GRHL2: variants seen among roughly 807,000 people sequenced by gnomAD.
The protein encoded by GRHL2 is grainyhead-like protein 2 homolog.
In GRHL2, 21 loss-of-function variants were observed where a neutral mutation model predicts 83.8. The ratio of observed to expected loss-of-function variants is 0.25; its 90% CI spans 0.18 to 0.36. GRHL2 has a LOEUF of 0.36. Ranked by LOEUF, GRHL2 falls within the 10% of genes least tolerant of loss-of-function variation. GRHL2 has a pLI of 1.00. For synonymous variants in GRHL2, 280 were observed against 278.9 expected (o/e 1.00, Z -0.04); for missense variants, 623 against 781.8 (o/e 0.80, Z 2.42).
At chr8:101,652,384 GGTGTGTGTGTGTGTC>G (rs1199336500) in intron 14 of GRHL2, among the ~76,000 whole-genome samples, 1,238 of 60,704 alleles carry the variant, frequency 0.02, 80 homozygotes, top group African/African-American at 0.035. Flanking sequence ...ATGTGTGTGT[GGTGTGTGTGTGTGTC>G]TGGTGTGTGT....
chr8:101,581,791 C>G (rs1193576095), intron 7 of GRHL2, among the ~76,000 whole-genome samples: 1 of 152,188 alleles, frequency 6.6e-6, no homozygotes, highest in Non-Finnish European at 1.5e-5. Context: ...GCTAAGATAT[C>G]ACGTGGTAAG....
At chr8:101,550,995 T>C (rs1222990234) in intron 2 of GRHL2, among the ~76,000 whole-genome samples, 1 of 152,232 alleles carries the variant, frequency 6.6e-6, no homozygotes, top group Non-Finnish European at 1.5e-5. Flanking sequence ...CATTTTGTTT[T>C]TCCATTCATC....
chr8:101,603,509 T>C (rs1240538716), intron 8 of GRHL2, among the ~76,000 whole-genome samples: 1 of 152,216 alleles, frequency 6.6e-6, no homozygotes, highest in African/African-American at 2.4e-5. Context: ...AGGAAAGACA[T>C]GAAACTCTAA....
At chr8:101,530,527 T>C (rs1369438193) in intron 1 of GRHL2, among the ~76,000 whole-genome samples, 2 of 152,240 alleles carry the variant, frequency 1.3e-5, no homozygotes, top group East Asian at 1.9e-4. Flanking sequence ...TTCTTTAATC[T>C]ATATTTCTGT....
At chr8:101,543,620 T>C in intron 2 of GRHL2, 184 bp downstream of exon 2, 2 of 667,250 alleles carry the variant, frequency 3.0e-6, no homozygotes, top group South Asian at 3.2e-5. Context: ...CTCAACTTTA[T>C]CACCCATCCA....
At chr8:101,513,569 A>G (rs1010153485) in intron 1 of GRHL2, among the ~76,000 whole-genome samples, 2 of 132,288 alleles carry the variant, frequency 1.5e-5, no homozygotes, top group Non-Finnish European at 3.1e-5. Flanking sequence ...ATCTCAGCTC[A>G]CTGCAACCTC....
intron 3 of GRHL2, among the ~76,000 whole-genome samples, chr8:101,554,828 G>A (rs1303710285): frequency 6.7e-6 from 1 of 149,034 alleles, no homozygotes; most frequent in Non-Finnish European, 1.5e-5. Context: ...TATATTGCAG[G>A]TAATTTCTGT....
At chr8:101,536,674 T>G (rs375752390) in intron 1 of GRHL2, among the ~76,000 whole-genome samples, 31 of 152,356 alleles carry the variant, frequency 2.0e-4, no homozygotes, top group East Asian at 9.6e-4. Flanking sequence ...CTTGAGTGAC[T>G]GGGGACAGAT....
At chr8:101,551,411 T>G (rs927809935) in intron 2 of GRHL2, among the ~76,000 whole-genome samples, 1 of 152,078 alleles carries the variant, frequency 6.6e-6, no homozygotes, top group African/African-American at 2.4e-5. Context: ...AGGCTCTAGG[T>G]CTGGACTCTT....
At chr8:101,670,894 G>A (rs181639298), downstream of GRHL2, among the ~76,000 whole-genome samples, 44 of 152,340 alleles carry the variant, frequency 2.9e-4, no homozygotes, top group Non-Finnish European at 5.1e-4. Context: ...AGGCAAGTTA[G>A]ACACAGTCTG....
intron 7 of GRHL2, among the ~76,000 whole-genome samples, chr8:101,595,240 G>A (rs1812368367): frequency 1.3e-5 from 2 of 152,130 alleles, no homozygotes; most frequent in Admixed American, 1.3e-4. Flanking sequence ...CAAGATTAGA[G>A]TATTTTATCT....
At chr8:101,676,527 G>C in the GRHL2 span, among the ~76,000 whole-genome samples, 1 of 152,178 alleles carries the variant, frequency 6.6e-6, no homozygotes, top group Admixed American at 6.5e-5. Context: ...TCTCACACCA[G>C]TTAGAATGGC....
At position 101,495,191 on chromosome 8, in the gene GRHL2, C is replaced by T. The variant is rs1211502027; in HGVS notation, c.20+2402C>T. On this transcript the variant is annotated intron_variant, in intron 1 of 15. Coordinates refer to ENST00000646743, the MANE Select transcript of GRHL2 (RefSeq NM_024915.4). ...TTCCTGAGCAAGTGAGAGGCTTCAT[C>T]AGCCTCATGGAAAATCCACCTTACG... 2.0e-5 allele frequency among the ~76,000 whole-genome samples: 3 copies of T among 152,214 alleles called. 1 individual carries two copies. Among genetic ancestry groups the T allele is most frequent in the Admixed American group, 2.0e-4 (3 of 15,284 alleles).
the GRHL2 span, among the ~76,000 whole-genome samples, chr8:101,675,236 G>A: frequency 6.6e-6 from 1 of 152,000 alleles, no homozygotes; most frequent in Non-Finnish European, 1.5e-5. Context: ...AGGAAATGAA[G>A]GCTATTCAAT....
At position 101,521,603 on chromosome 8, in the gene GRHL2, C is replaced by G. The variant is rs146050661; in HGVS notation, c.21-21638C>G. Among the ~76,000 whole-genome samples, 285 of 152,278 alleles carry G rather than the reference C, an allele frequency of 1.9e-3. 1 individual carries two copies. The highest frequency in any genetic ancestry group is 3.1e-3 in the Non-Finnish European group (212 of 68,020). ...CATCGCTGTATCCCAGTACTCAAAG[C>G]AGTACCAGCTCACAGTAGGTGCTCA... On this transcript the variant is annotated intron_variant, in intron 1 of 15. Coordinates refer to ENST00000646743, the MANE Select transcript of GRHL2 (RefSeq NM_024915.4).
chr8:101,612,560 T>C (rs1365922577), intron 8 of GRHL2, among the ~76,000 whole-genome samples: 1 of 114,648 alleles, frequency 8.7e-6, no homozygotes, highest in Non-Finnish European at 2.0e-5. Context: ...TACATAGATA[T>C]TGATGAAGAT....
At chr8:101,675,148 C>T in the GRHL2 span, among the ~76,000 whole-genome samples, 2 of 152,048 alleles carry the variant, frequency 1.3e-5, no homozygotes, top group African/African-American at 2.4e-5. Context: ...AAAACTGGCA[C>T]AAGACAGGGA....
intron 3 of GRHL2, among the ~76,000 whole-genome samples, chr8:101,554,956 G>C (rs1811461063): frequency 6.6e-6 from 1 of 152,124 alleles, no homozygotes; most frequent in Non-Finnish European, 1.5e-5. Context: ...TTTTAGGTTG[G>C]TGCTGAATCT....
chr8:101,520,677 G>A (rs1163225605), intron 1 of GRHL2, among the ~76,000 whole-genome samples: 1 of 152,122 alleles, frequency 6.6e-6, no homozygotes, highest in Non-Finnish European at 1.5e-5. Flanking sequence ...TGTGCACTTA[G>A]CATACAAAAT....
Sources: gnomAD v4.1 joint callset for allele counts (sites outside exome capture counted in the v4.1 genomes callset) on GRCh38, gnomAD v4.1.1 for gene constraint, MANE v1.5 for transcripts, NCBI Gene and HGNC (gene_info 2026-07-23, HGNC 2026-07-21) for gene names.